The following GALNT13 variants were observed in gnomAD, a reference collection of about 807,000 sequenced individuals.
GALNT13 encodes the protein polypeptide N-acetylgalactosaminyltransferase 13.
GALNT13 carries 28 observed loss-of-function variants against 64.2 expected under a neutral mutation model. That is an observed-to-expected ratio of 0.44 (90% CI 0.32 to 0.60). The LOEUF (loss-of-function observed/expected upper bound fraction) is 0.60. GALNT13 is among the 20% of genes least tolerant of loss of function. GALNT13 has a pLI of 0.05. For synonymous variants in GALNT13, 214 were observed against 224.6 expected, an observed-to-expected ratio of 0.95 and a Z score of 0.42; for missense variants, 577 against 669.8, an observed-to-expected ratio of 0.86 and a Z score of 1.53.
chr2:153,614,427 A>G, the GALNT13 span, among the ~76,000 whole-genome samples: 2 of 152,002 alleles, frequency 1.3e-5, no homozygotes, highest in Non-Finnish European at 2.9e-5. Flanking sequence ...ATCATGAAGA[A>G]TATAGTAGGA....
the GALNT13 span, among the ~76,000 whole-genome samples, chr2:153,212,714 C>T: frequency 6.6e-6 from 1 of 152,066 alleles, no homozygotes; most frequent in African/African-American, 2.4e-5. Context: ...CCTTGGCTTT[C>T]TATGGTGGGA....
At chr2:153,109,563 C>T in the GALNT13 span, among the ~76,000 whole-genome samples, 1 of 152,132 alleles carries the variant, frequency 6.6e-6, no homozygotes, top group Admixed American at 6.6e-5. Flanking sequence ...TCTCTTGCTG[C>T]AACAGAGCTT....
intron 3 of GALNT13, among the ~76,000 whole-genome samples, chr2:154,062,989 G>T (rs188596386): frequency 6.6e-6 from 1 of 152,084 alleles, no homozygotes; most frequent in East Asian, 1.9e-4. Flanking sequence ...TAGTGAACAG[G>T]ATTCCTAATT....
the GALNT13 span, among the ~76,000 whole-genome samples, chr2:153,613,297 G>C: frequency 2.0e-5 from 3 of 152,162 alleles, no homozygotes; most frequent in African/African-American, 7.2e-5. Flanking sequence ...ATTTGGCCTA[G>C]TATATCAACA....
the GALNT13 span, among the ~76,000 whole-genome samples, chr2:153,213,589 T>C: frequency 6.6e-6 from 1 of 152,176 alleles, no homozygotes; most frequent in Non-Finnish European, 1.5e-5. Context: ...ATACAAATAC[T>C]GTGCCTTGGT....
At chr2:153,320,202 G>A in the GALNT13 span, among the ~76,000 whole-genome samples, 8 of 152,156 alleles carry the variant, frequency 5.3e-5, no homozygotes, top group African/African-American at 9.7e-5. Context: ...TTTTCTTTAC[G>A]TAGTTGTATA....
At chr2:153,646,816 G>A in the GALNT13 span, among the ~76,000 whole-genome samples, 3 of 152,104 alleles carry the variant, frequency 2.0e-5, no homozygotes, top group Non-Finnish European at 4.4e-5. Flanking sequence ...TGGCTGCATA[G>A]TATTCCATGG....
intron 4 of GALNT13, among the ~76,000 whole-genome samples, chr2:154,206,556 A>C (rs1687467470): frequency 6.6e-6 from 1 of 151,816 alleles, no homozygotes; most frequent in Admixed American, 6.6e-5. Flanking sequence ...GCACTTTGGG[A>C]GGCCAAAGCA....
chr2:153,243,571 C>T, the GALNT13 span, among the ~76,000 whole-genome samples: 1 of 152,092 alleles, frequency 6.6e-6, no homozygotes, highest in African/African-American at 2.4e-5. Context: ...TAACATACAA[C>T]GTGTGTAAAG....
chr2:153,508,363 T>C, the GALNT13 span, among the ~76,000 whole-genome samples: 2 of 152,136 alleles, frequency 1.3e-5, no homozygotes, highest in Non-Finnish European at 2.9e-5. Context: ...GAGCTCAGAC[T>C]ATCCTTGGAT....
the GALNT13 span, among the ~76,000 whole-genome samples, chr2:153,162,666 T>C: frequency 3.2e-3 from 480 of 152,264 alleles, 4 homozygotes; most frequent in African/African-American, 0.011. Context: ...TAGATACCCA[T>C]AGATGTTTTT....
chr2:153,200,193 A>G, the GALNT13 span, among the ~76,000 whole-genome samples: 1 of 152,238 alleles, frequency 6.6e-6, no homozygotes, highest in Admixed American at 6.5e-5. Context: ...GATAAACTGA[A>G]GCAGGAAGGA....
the GALNT13 span, among the ~76,000 whole-genome samples, chr2:153,588,455 A>C: frequency 6.6e-6 from 1 of 152,188 alleles, no homozygotes; most frequent in Admixed American, 6.5e-5. Context: ...CTGGGCACTC[A>C]CAGGTTCAAC....
chr2:154,273,624 A>G (rs996848529), intron 8 of GALNT13, among the ~76,000 whole-genome samples: 6 of 152,202 alleles, frequency 3.9e-5, no homozygotes, highest in Admixed American at 6.6e-5. Context: ...CTATATGTAG[A>G]TATTTTTAGA....
chr2:153,784,691 A>G, the GALNT13 span, among the ~76,000 whole-genome samples: 5 of 152,170 alleles, frequency 3.3e-5, no homozygotes, highest in Non-Finnish European at 7.4e-5. Flanking sequence ...ACTCACATAC[A>G]TACCCCTAGG....
the GALNT13 span, among the ~76,000 whole-genome samples, chr2:153,290,323 G>A: frequency 1.3e-5 from 2 of 152,112 alleles, no homozygotes; most frequent in African/African-American, 4.8e-5. Flanking sequence ...TTAGAGTATG[G>A]CTGTTTCACA....
the GALNT13 span, among the ~76,000 whole-genome samples, chr2:153,717,309 C>T: frequency 2.6e-5 from 4 of 152,152 alleles, no homozygotes; most frequent in Non-Finnish European, 5.9e-5. Context: ...GCAGGGATTT[C>T]ATTCCACTTT....
the GALNT13 span, among the ~76,000 whole-genome samples, chr2:153,682,130 C>T: frequency 1.3e-5 from 2 of 151,690 alleles, no homozygotes; most frequent in Admixed American, 1.3e-4. Flanking sequence ...TTGAGATCAC[C>T]TGAGTACATG....
chr2:153,405,245 A>G, the GALNT13 span, among the ~76,000 whole-genome samples: 1 of 152,228 alleles, frequency 6.6e-6, no homozygotes, highest in East Asian at 1.9e-4. Flanking sequence ...GTCTGAACCT[A>G]TGTGAAGATT....
Sources: gnomAD v4.1 joint callset for allele counts (sites outside exome capture counted in the v4.1 genomes callset) on GRCh38, gnomAD v4.1.1 for gene constraint, MANE v1.5 for transcripts, NCBI Gene and HGNC (gene_info 2026-07-23, HGNC 2026-07-21) for gene names.